SETBP1: variants seen among roughly 807,000 people sequenced by gnomAD.
The protein encoded by SETBP1 is SET-binding protein.
A neutral mutation model predicts 101.0 loss-of-function variants in SETBP1; 9 were observed. The ratio of observed to expected loss-of-function variants is 0.09; its 90% CI spans 0.05 to 0.16. SETBP1 has a LOEUF of 0.16. SETBP1 is among the 10% of genes least tolerant of loss of function. SETBP1 has a pLI of 1.00. For synonymous variants in SETBP1, 818 were observed against 788.5 expected (o/e 1.04, Z -0.63); for missense variants, 1,858 against 2,033.8 (o/e 0.91, Z 1.66).
At chr18:44,963,611 G>A (rs1351754077) in intron 4 of SETBP1, among the ~76,000 whole-genome samples, 2 of 152,042 alleles carry the variant, frequency 1.3e-5, no homozygotes, top group Non-Finnish European at 2.9e-5. Context: ...CGTGCTGACT[G>A]GGCACAGTGG....
At chr18:44,996,518 G>A (rs1413313271) in intron 4 of SETBP1, among the ~76,000 whole-genome samples, 1 of 152,196 alleles carries the variant, frequency 6.6e-6, no homozygotes, top group African/African-American at 2.4e-5. Flanking sequence ...TTTTAACTCT[G>A]TCAGGCACTG....
At chr18:44,695,152 G>A (rs2068994404) in intron 1 of SETBP1, among the ~76,000 whole-genome samples, 1 of 152,098 alleles carries the variant, frequency 6.6e-6, no homozygotes, top group Admixed American at 6.5e-5. Flanking sequence ...GGAAAGAAAA[G>A]CAGTGAGAGA....
intron 4 of SETBP1, among the ~76,000 whole-genome samples, chr18:44,982,292 TG>T: frequency 6.6e-6 from 1 of 152,202 alleles, no homozygotes; most frequent in East Asian, 1.9e-4. Flanking sequence ...AGTGCCGGGC[TG>T]GGGAGGCAGG....
chr18:45,055,553 A>G (rs1488898434), intron 5 of SETBP1, among the ~76,000 whole-genome samples: 3 of 152,164 alleles, frequency 2.0e-5, no homozygotes, highest in Non-Finnish European at 2.9e-5. Flanking sequence ...GTTTTTGAAA[A>G]TCTTGGTTTT....
At chr18:44,749,632 A>C (rs1157765899) in intron 2 of SETBP1, among the ~76,000 whole-genome samples, 1 of 152,194 alleles carries the variant, frequency 6.6e-6, no homozygotes, top group Non-Finnish European at 1.5e-5. Context: ...CCTTTTTTAA[A>C]AGAGCTTGCG....
At chr18:44,959,886 A>G (rs1275849031) in intron 4 of SETBP1, among the ~76,000 whole-genome samples, 1 of 152,140 alleles carries the variant, frequency 6.6e-6, no homozygotes, top group African/African-American at 2.4e-5. Flanking sequence ...CACCCAAGAA[A>G]TATTTGGGAA....
intron 3 of SETBP1, among the ~76,000 whole-genome samples, chr18:44,944,635 C>T (rs1428938957): frequency 6.6e-6 from 1 of 152,188 alleles, no homozygotes; most frequent in African/African-American, 2.4e-5. Flanking sequence ...TCCCTCATTG[C>T]TCCATACCCA....
chr18:45,053,921 G>C (rs1008056184), intron 5 of SETBP1, among the ~76,000 whole-genome samples: 1 of 152,136 alleles, frequency 6.6e-6, no homozygotes, highest in Admixed American at 6.6e-5. Context: ...AATATAAAGA[G>C]CCCTTTGAGA....
At chr18:44,744,783 C>CA (rs72462551) in intron 2 of SETBP1, among the ~76,000 whole-genome samples, 49,602 of 134,892 alleles carry the variant, frequency 0.37, 9,101 homozygotes, top group Non-Finnish European at 0.45. Context: ...AAAAAAAAAA[C>CA]AAAAAAAAAA....
At chr18:44,923,275 T>C (rs1218936084) in intron 3 of SETBP1, among the ~76,000 whole-genome samples, 4 of 152,208 alleles carry the variant, frequency 2.6e-5, no homozygotes, top group African/African-American at 7.2e-5. Flanking sequence ...TTCATTCAGC[T>C]CAATTCCATT....
rs909164044 is a variant in SETBP1, at chr18:45,066,941, T to G, written c.*3243T>G. On this transcript the variant is annotated 3_prime_UTR_variant, in exon 6 of 6. Transcript: ENST00000649279. ...CTAAGTGTCTGGAAGAGCTACTTGC[T>G]CTTCCACCCCTCATCTCAAATGAGA... 1 of 152,094 alleles carries G rather than the reference T, an allele frequency of 6.6e-6. No individual in the cohort carries two copies. The highest frequency in any genetic ancestry group is 2.4e-5 in the African/African-American group (1 of 41,390). 9.4% of individuals were successfully genotyped at this position (152,094 alleles called of 1,614,324 possible). A position where few individuals can be genotyped will look rare whatever the true frequency, so the allele number is the denominator to read the frequency against.
chr18:45,052,921 A>G (rs1162641409), intron 5 of SETBP1, among the ~76,000 whole-genome samples: 2 of 152,230 alleles, frequency 1.3e-5, no homozygotes, highest in African/African-American at 4.8e-5. Flanking sequence ...AACAAAATTA[A>G]GTTTCAAAAT....
intron 3 of SETBP1, among the ~76,000 whole-genome samples, chr18:44,891,544 A>G (rs2069770036): frequency 1.3e-5 from 2 of 152,112 alleles, no homozygotes; most frequent in Non-Finnish European, 2.9e-5. Flanking sequence ...TGCACCAGCC[A>G]CAGCTTCTAA....
intron 2 of SETBP1, among the ~76,000 whole-genome samples, chr18:44,750,935 A>G (rs562423899): frequency 6.6e-6 from 1 of 152,170 alleles, no homozygotes; most frequent in Non-Finnish European, 1.5e-5. Flanking sequence ...CTTTGGGGCA[A>G]GTGAGATTTG....
At chr18:44,982,288 G>A (rs781387949) in intron 4 of SETBP1, among the ~76,000 whole-genome samples, 3 of 152,226 alleles carry the variant, frequency 2.0e-5, no homozygotes, top group Admixed American at 6.5e-5. Flanking sequence ...GCAGAGTGCC[G>A]GGCTGGGGAG....
intron 3 of SETBP1, among the ~76,000 whole-genome samples, chr18:44,897,013 A>C (rs935249708): frequency 1.3e-5 from 2 of 152,072 alleles, no homozygotes; most frequent in Non-Finnish European, 2.9e-5. Flanking sequence ...TGTCGCCCAG[A>C]GTGTATTGAC....
intron 2 of SETBP1, among the ~76,000 whole-genome samples, chr18:44,738,755 C>G (rs1170216734): frequency 1.4e-4 from 19 of 131,960 alleles, no homozygotes; most frequent in African/African-American, 5.6e-4. Flanking sequence ...GCCTGGGTGA[C>G]AGAGCGAGAC....
intron 2 of SETBP1, among the ~76,000 whole-genome samples, chr18:44,720,225 C>T (rs1011311739): frequency 6.6e-6 from 1 of 152,196 alleles, no homozygotes; most frequent in Non-Finnish European, 1.5e-5. Flanking sequence ...CAGAGGTCAC[C>T]TCTTGAAATG....
intron 3 of SETBP1, among the ~76,000 whole-genome samples, chr18:44,897,417 CA>C (rs149335422): frequency 4.1e-5 from 6 of 147,030 alleles, no homozygotes; most frequent in Admixed American, 6.7e-5. Flanking sequence ...GGAGGCTCTG[CA>C]AAAAAAAAAT....
Sources: gnomAD v4.1 joint callset for allele counts (sites outside exome capture counted in the v4.1 genomes callset) on GRCh38, gnomAD v4.1.1 for gene constraint, MANE v1.5 for transcripts, NCBI Gene and HGNC (gene_info 2026-07-23, HGNC 2026-07-21) for gene names.